Variants in ANK3 observed in about 807,000 individuals in gnomAD.
The protein encoded by ANK3 is ankyrin 3, also known as ankyrin-3.
A neutral mutation model predicts 370.9 loss-of-function variants in ANK3; 57 were observed. The ratio of observed to expected loss-of-function variants is 0.15; its 90% confidence interval spans 0.12 to 0.19. The LOEUF is 0.19. ANK3 is among the 10% of genes least tolerant of loss of function. ANK3 has a pLI of 1.00. For synonymous variants in ANK3, 1,929 were observed against 1,946.3 expected, an observed-to-expected ratio of 0.99 and a Z score of 0.23; for missense variants, 4,439 against 5,302.1, an observed-to-expected ratio of 0.84 and a Z score of 5.06.
intron 4 of ANK3, among the ~76,000 whole-genome samples, chr10:60,277,667 G>A (rs1230625704): frequency 6.6e-6 from 1 of 150,968 alleles, no homozygotes; most frequent in Non-Finnish European, 1.5e-5. Context: ...ATGCTTCCTA[G>A]CCTAATACTG....
chr10:60,619,000 A>G (rs2078300229), intron 1 of ANK3, among the ~76,000 whole-genome samples: 1 of 152,114 alleles, frequency 6.6e-6, no homozygotes, highest in South Asian at 2.1e-4. Context: ...AGTTGACCCT[A>G]TAGTGGTTCC....
chr10:60,435,495 C>T (rs2064133950), intron 2 of ANK3, among the ~76,000 whole-genome samples: 2 of 152,054 alleles, frequency 1.3e-5, no homozygotes, highest in South Asian at 4.2e-4. Context: ...TATCTTTTTT[C>T]CTTAAGATGA....
At chr10:60,439,476 C>T (rs1484198958) in intron 2 of ANK3, among the ~76,000 whole-genome samples, 2 of 151,670 alleles carry the variant, frequency 1.3e-5, no homozygotes. Context: ...AGGGCAACAA[C>T]ACAGTGAGCC....
chr10:60,455,745 T>C (rs2064730724), intron 2 of ANK3, among the ~76,000 whole-genome samples: 1 of 152,136 alleles, frequency 6.6e-6, no homozygotes, highest in African/African-American at 2.4e-5. Context: ...GCTAACCCTA[T>C]AGGAGGCTTT....
Position 60,696,077 on chromosome 10 carries a change from C to T in ANK3, c.57+37186G>A, listed in dbSNP as rs958357615. On this transcript the variant is annotated intron_variant, in intron 1 of 43. Transcript: ENST00000373827. ...AAAAATGATAAAGGGGATATCACCA[C>T]CAATCCCACAAAAATACAAACTACC... Among the ~76,000 whole-genome samples, 85 of 150,912 alleles carry T rather than the reference C, an allele frequency of 5.6e-4. 1 individual carries two copies. Among genetic ancestry groups the T allele is most frequent in the Non-Finnish European group, 1.1e-3 (72 of 67,794 alleles).
intron 21 of ANK3, among the ~76,000 whole-genome samples, chr10:60,168,056 C>T (rs1025708865): frequency 2.6e-5 from 4 of 152,160 alleles, no homozygotes; most frequent in African/African-American, 4.8e-5. Flanking sequence ...GACCAAGTCT[C>T]GCTCTGTTTC....
rs1417989800 is a variant in ANK3 at position 60,696,587 on chromosome 10, G to T, written c.57+36676C>A. 8.0e-5 allele frequency among the ~76,000 whole-genome samples: 12 copies of T among 149,168 alleles called. No homozygotes were observed. In the East Asian group the frequency reaches 2.1e-3, roughly 26 times the overall value. ...GTGGGCTTCTTCCCTGGGATGCAAG[G>T]CTGGTTCAATATACGCAAATCAATA... On this transcript the variant is annotated intron_variant, in intron 1 of 43. Transcript: ENST00000373827.
Position 60,498,682 on chromosome 10 carries a change from A to T in ANK3, c.96+116504T>A, listed in dbSNP as rs149417769. Among the ~76,000 whole-genome samples the T allele has an allele frequency of 1.8e-4, 28 of 152,302 alleles. 1 individual carries two copies. The highest frequency in any genetic ancestry group is 6.5e-4 in the African/African-American group (27 of 41,568). ...CTGGGATTACTGCCTTGATAATATTATAGCCAATGATAATATATTTTTAAT... is the reference window on the plus strand; with the variant it reads ...CTGGGATTACTGCCTTGATAATATTTTAGCCAATGATAATATATTTTTAAT... On this transcript the variant is annotated intron_variant, in intron 2 of 43. Coordinates refer to the ANK3 transcript ENST00000373827.
At chr10:60,178,076 G>A (rs889576988) in intron 18 of ANK3, among the ~76,000 whole-genome samples, 5 of 152,100 alleles carry the variant, frequency 3.3e-5, no homozygotes, top group Non-Finnish European at 7.3e-5. Flanking sequence ...ATCTTATCAC[G>A]TTTGTGTTTA....
intron 1 of ANK3, among the ~76,000 whole-genome samples, chr10:60,718,086 G>A (rs1335167018): frequency 6.6e-6 from 1 of 152,220 alleles, no homozygotes; most frequent in African/African-American, 2.4e-5. Context: ...GTGATTGGCT[G>A]AGACTCAGCT....
At position 60,388,952 on chromosome 10, in the gene ANK3, CTCT is replaced by C. The variant is rs1229975215; in HGVS notation, c.114+470_114+472del. Among the ~76,000 whole-genome samples, 3 of 152,130 alleles carry C rather than the reference CTCT, an allele frequency of 2.0e-5. No homozygotes were observed. In the East Asian group the frequency reaches 5.8e-4, roughly 29 times the overall value. ...GCAGGAAATGACTTTTGTGCTACTC[CTCT>C]AAGGTCACAGATCTGCCTGGGAAAC... On this transcript the variant is annotated intron_variant, in intron 1 of 43. Coordinates refer to ENST00000280772, the MANE Select transcript of ANK3 (RefSeq NM_020987.5).
chr10:60,718,461 ATT>A (rs1359993779), intron 1 of ANK3, among the ~76,000 whole-genome samples: 1 of 152,134 alleles, frequency 6.6e-6, no homozygotes, highest in African/African-American at 2.4e-5. Flanking sequence ...GATACAGAGA[ATT>A]TACTCACCTG....
At chr10:60,042,450 A>C (rs919009534) in intron 43 of ANK3, among the ~76,000 whole-genome samples, 30 of 152,304 alleles carry the variant, frequency 2.0e-4, no homozygotes, top group African/African-American at 7.2e-4. Context: ...ATTGCTGCCT[A>C]ATTTGTGAGG....
intron 2 of ANK3, among the ~76,000 whole-genome samples, chr10:60,542,208 T>A (rs2076865492): frequency 6.6e-6 from 1 of 151,768 alleles, no homozygotes; most frequent in Admixed American, 6.6e-5. Flanking sequence ...CCAAAAAATA[T>A]AAAAAAATTA....
chr10:60,675,108 A>T (rs958749688), intron 1 of ANK3, among the ~76,000 whole-genome samples: 3 of 152,224 alleles, frequency 2.0e-5, no homozygotes, highest in African/African-American at 7.2e-5. Context: ...CAGTTGCATA[A>T]GAGTTATGAG....
chr10:60,287,594 A>G (rs2040318436), intron 1 of ANK3, among the ~76,000 whole-genome samples: 2 of 152,202 alleles, frequency 1.3e-5, no homozygotes, highest in South Asian at 2.1e-4. Flanking sequence ...CTATACATGC[A>G]TTATCATTTA....
At chr10:60,134,029 C>T (rs1326023212) in intron 25 of ANK3, among the ~76,000 whole-genome samples, 1 of 152,166 alleles carries the variant, frequency 6.6e-6, no homozygotes, top group Non-Finnish European at 1.5e-5. Context: ...AGAAAGGTAA[C>T]TACACATCTC....
chr10:60,581,328 C>T (rs1388988284), intron 2 of ANK3, among the ~76,000 whole-genome samples: 1 of 151,676 alleles, frequency 6.6e-6, no homozygotes, highest in Non-Finnish European at 1.5e-5. Flanking sequence ...GTGCATTTAT[C>T]TGATGATTAG....
intron 36 of ANK3, among the ~76,000 whole-genome samples, chr10:60,079,212 CACACACACACACA>C (rs1564852316): frequency 6.0e-5 from 9 of 151,118 alleles, no homozygotes; most frequent in African/African-American, 2.0e-4. Context: ...CACACACACA[CACACACACACACA>C]CCCCTCTTCT....
Sources: gnomAD v4.1 joint callset for allele counts (sites outside exome capture counted in the v4.1 genomes callset) on GRCh38, gnomAD v4.1.1 for gene constraint, MANE v1.5 for transcripts, NCBI Gene and HGNC (gene_info 2026-07-23, HGNC 2026-07-21) for gene names.